Variants in INTS11 observed in about 807,000 individuals in gnomAD.
INTS11 encodes CPSF3-like protein.
In INTS11, 77 loss-of-function variants were observed where a neutral mutation model predicts 78.6. That is an observed-to-expected ratio of 0.98 (90% CI 0.81 to 1.18). The LOEUF (loss-of-function observed/expected upper bound fraction) is 1.18, where lower values mean the gene tolerates loss of function less well. INTS11 is among the 50% of genes most tolerant of loss of function. The pLI is 0.00. For missense variants in INTS11, 875 were observed against 825.9 expected (o/e 1.06, Z -0.73); for synonymous variants, 441 against 326.9 (o/e 1.35, Z -3.77).
chr1:1,312,213 G>GCCGGGCGCCCCCCCCCCCCCC lies in INTS11; in HGVS notation c.1607+12_1607+13insGGGGGGGGGGGGGGCGCCCGG. The GCCGGGCGCCCCCCCCCCCCCC allele has an allele frequency of 6.4e-6, 6 of 934,522 alleles. No individual in the cohort carries two copies. Among genetic ancestry groups the GCCGGGCGCCCCCCCCCCCCCC allele is most frequent in the Middle Eastern group, 3.4e-4 (1 of 2,946 alleles). The allele number at this position is 934,522 out of a possible 1,614,324, so 57.9% of individuals were successfully genotyped here. A position where few individuals can be genotyped will look rare whatever the true frequency, so the allele number is the denominator to read the frequency against. ...CCCAAGGGAGTGGGGGGGGGGCGGG[G>GCCGGGCGCCCCCCCCCCCCCC]CCGGGCGCCCACCTCTTGAGGTGGC... is the stretch of plus-strand genomic sequence containing the variant. On this transcript the variant is annotated intron_variant, in intron 15 of 16. Transcript: ENST00000435064.
chr1:1,314,795 G>A lies in INTS11; in HGVS notation c.702+29C>T. The A allele has an allele frequency of 1.3e-6, 2 of 1,598,808 alleles. No individual in the cohort carries two copies. Among genetic ancestry groups the A allele is most frequent in the South Asian group, 2.2e-5 (2 of 90,334 alleles). ...AAAGACCAGCCCAGCATGGCCGAGGGCCCATGTCCCCACCCCTGCTGCAGC... is the reference window on the plus strand; with the variant it reads ...AAAGACCAGCCCAGCATGGCCGAGGACCCATGTCCCCACCCCTGCTGCAGC... On this transcript the variant is annotated intron_variant, in intron 7 of 16. Coordinates refer to ENST00000435064, the MANE Select transcript of INTS11 (RefSeq NM_017871.6). This position sits in a 1 kb window ranked among gnomAD's most constrained non-coding sequence, Gnocchi z 4.2.
chr1:1,312,213 G>GCCGGGGGCCCCCCCCCCCC lies in INTS11; in HGVS notation c.1607+12_1607+13insGGGGGGGGGGGGCCCCCGG. Reference sequence around the variant, plus strand: ...CCCAAGGGAGTGGGGGGGGGGCGGGGCCGGGCGCCCACCTCTTGAGGTGGC... The same window carrying GCCGGGGGCCCCCCCCCCCC: ...CCCAAGGGAGTGGGGGGGGGGCGGGGCCGGGGGCCCCCCCCCCCCCCGGGCGCCCACCTCTTGAGGTGGC... On this transcript the variant is annotated intron_variant, in intron 15 of 16. Transcript: ENST00000435064. 4 of 934,576 alleles carry GCCGGGGGCCCCCCCCCCCC rather than the reference G, an allele frequency of 4.3e-6. No individual in the cohort carries two copies. The highest frequency in any genetic ancestry group is 2.9e-5 in the East Asian group (1 of 34,242). The allele number at this position is 934,576 out of a possible 1,614,324, so 57.9% of individuals were successfully genotyped here.
Position 1,312,208 on chromosome 1 carries a change from G to GGGGGGGGGGGC in INTS11, c.1607+17_1607+18insGCCCCCCCCCC. On this transcript the variant is annotated intron_variant, in intron 15 of 16. Transcript: ENST00000435064. The stretch of plus-strand genomic sequence containing the variant: ...CAGGGCCCAAGGGAGTGGGGGGGGG[G>GGGGGGGGGGGC]CGGGGCCGGGCGCCCACCTCTTGAG... 4.5e-6 allele frequency: 5 copies of GGGGGGGGGGGC among 1,123,334 alleles called. No individual in the cohort carries two copies. Among genetic ancestry groups the GGGGGGGGGGGC allele is most frequent in the Non-Finnish European group, 6.2e-6 (5 of 801,302 alleles). The allele number at this position is 1,123,334 out of a possible 1,614,324, so 69.6% of individuals were successfully genotyped here.
chr1:1,320,368 C>T, intron 3 of INTS11, 88 bp downstream of exon 3: 4 of 1,308,576 alleles, frequency 3.1e-6, no homozygotes, highest in Non-Finnish European at 4.4e-6. Context: ...GCACAGGCCC[C>T]TTGCCAAACG....
intron 6 of INTS11, 37 bp downstream of exon 6, chr1:1,315,367 G>A: frequency 1.2e-6 from 2 of 1,612,728 alleles, no homozygotes; most frequent in Non-Finnish European, 1.7e-6. Flanking sequence ...AGCTCCAGGG[G>A]GGCCCACGGG....
At chr1:1,324,178 G>GGGGGGCTGGGGGGCTGCT (rs1643183388) in intron 1 of INTS11, among the ~76,000 whole-genome samples, 1 of 142,070 alleles carries the variant, frequency 7.0e-6, no homozygotes, top group African/African-American at 2.6e-5. Context: ...CTGAGGGGCT[G>GGGGGGCTGGGGGGCTGCT]GGAGGCTGAG....
chr1:1,320,604 G>A (rs1227428025), intron 2 of INTS11, 75 bp from the exon 3 acceptor site: 1 of 1,481,282 alleles, frequency 6.8e-7, no homozygotes, highest in Non-Finnish European at 9.4e-7. Context: ...GCCCCAGGGA[G>A]GGGCCCCCAG....
At chr1:1,319,084 C>G in intron 4 of INTS11, 2 of 729,364 alleles carry the variant, frequency 2.7e-6, no homozygotes, top group South Asian at 1.4e-5. Flanking sequence ...CCACCCTGCA[C>G]GTGCTCTCCC....
Position 1,312,554 on chromosome 1 carries a change from GC to G in INTS11, c.1402+38del, listed in dbSNP as rs981439902. ...ATGTGAGGGCCGCTCCCAGCCGCCT[GC>G]CCCGAGCACCCTGCCCTGCCCTGCC... On this transcript the variant is annotated intron_variant, in intron 13 of 16. Coordinates refer to ENST00000435064, the MANE Select transcript of INTS11 (RefSeq NM_017871.6). The G allele has an allele frequency of 4.4e-6, 7 of 1,578,990 alleles. No individual in the cohort carries two copies. The African/African-American group carries it at 8.1e-5, about 18-fold the overall frequency.
chr1:1,323,270 A>G, intron 1 of INTS11: 1 of 1,550,324 alleles, frequency 6.5e-7, no homozygotes, highest in South Asian at 1.2e-5. Flanking sequence ...AGGTTCCAGG[A>G]CAGCACAGGG....
intron 2 of INTS11, 167 bp downstream of exon 2, chr1:1,320,829 A>C (rs1642902776): frequency 1.3e-6 from 1 of 759,118 alleles, no homozygotes; most frequent in African/African-American, 1.7e-5. Flanking sequence ...CCCACCATGC[A>C]GGGGCTCACC....
chr1:1,312,184 A>G (rs1642221530), intron 15 of INTS11, 37 bp from the exon 16 acceptor site: 2 of 1,306,824 alleles, frequency 1.5e-6, no homozygotes, highest in African/African-American at 2.6e-5. Context: ...CCTGGCCTCC[A>G]GGGCCCAAGG....
intron 1 of INTS11, chr1:1,321,913 C>A: frequency 1.5e-6 from 2 of 1,354,160 alleles, no homozygotes; most frequent in Non-Finnish European, 1.9e-6. Context: ...CCCACCTCCC[C>A]CTGCCAGCCA....
chr1:1,319,676 C>T (rs1045856775), intron 3 of INTS11, 152 bp from the exon 4 acceptor site: 4 of 596,426 alleles, frequency 6.7e-6, no homozygotes, highest in African/African-American at 3.7e-5. Flanking sequence ...AAACACAAAA[C>T]TGTCTCCCTG....
chr1:1,320,673 G>A (rs1642892228), intron 2 of INTS11, 144 bp from the exon 3 acceptor site: 1 of 851,744 alleles, frequency 1.2e-6, no homozygotes, highest in African/African-American at 1.7e-5. Context: ...GGTGGCACCA[G>A]GACCCCTGGC....
intron 10 of INTS11, 136 bp from the exon 11 acceptor site, chr1:1,313,260 C>T (rs992433298): frequency 1.2e-5 from 13 of 1,044,940 alleles, no homozygotes; most frequent in Non-Finnish European, 1.5e-5. Flanking sequence ...TAGCTGCAGA[C>T]TCCAAAGGGC....
chr1:1,323,840 G>A (rs922824130), intron 1 of INTS11, among the ~76,000 whole-genome samples: 5 of 98,864 alleles, frequency 5.1e-5, no homozygotes, highest in Admixed American at 1.2e-4. Context: ...GTGGTGGACA[G>A]AAAGCAAGAC....
chr1:1,321,209 C>CA (rs1570740423), intron 1 of INTS11, 116 bp from the exon 2 acceptor site: 1 of 757,838 alleles, frequency 1.3e-6, no homozygotes, highest in African/African-American at 1.7e-5. Context: ...GCTGTGTGGA[C>CA]AGACACATGG....
At chr1:1,322,272 G>A (rs879267285) in intron 1 of INTS11, among the ~76,000 whole-genome samples, 6 of 151,530 alleles carry the variant, frequency 4.0e-5, no homozygotes, top group African/African-American at 7.3e-5. Flanking sequence ...TGGCAGTCCC[G>A]CCTCCCGACA....
Sources: allele counts gnomAD v4.1 joint callset (sites outside exome capture counted in the v4.1 genomes callset), GRCh38; gene constraint gnomAD v4.1.1; non-coding constraint Gnocchi (gnomAD v3.1); transcripts MANE v1.5; gene names NCBI Gene and HGNC (gene_info 2026-07-23, HGNC 2026-07-21).